The following PCED1B variants were observed in gnomAD, a reference collection of about 807,000 sequenced individuals.
The protein encoded by PCED1B is PC-esterase domain containing 1B.
For missense variants in PCED1B, 573 were observed against 573.9 expected (o/e 1.00, Z 0.02); for synonymous variants, 251 against 246.1 (o/e 1.02, Z -0.19).
intron 1 of PCED1B, among the ~76,000 whole-genome samples, chr12:47,089,461 C>CATGTGTGTATATATATAT (rs1233280547): frequency 1.6e-5 from 1 of 63,398 alleles, no homozygotes; most frequent in Non-Finnish European, 2.9e-5. Flanking sequence ...AAAAAAAATA[C>CATGTGTGTATATATATAT]ATATATATAT....
intron 1 of PCED1B, among the ~76,000 whole-genome samples, chr12:47,090,024 C>T (rs575844021): frequency 6.6e-5 from 10 of 152,162 alleles, no homozygotes; most frequent in African/African-American, 1.2e-4. Context: ...CCACCCACCT[C>T]GGCTTCCCAA....
intron 2 of PCED1B, among the ~76,000 whole-genome samples, chr12:47,132,157 A>G (rs929070338): frequency 3.9e-5 from 6 of 152,188 alleles, no homozygotes; most frequent in Admixed American, 6.5e-5. Flanking sequence ...ATGTTAATAC[A>G]TAGTAAATTA....
At chr12:47,123,150 C>G (rs1409295375) in intron 2 of PCED1B, among the ~76,000 whole-genome samples, 1 of 152,112 alleles carries the variant, frequency 6.6e-6, no homozygotes, top group African/African-American at 2.4e-5. Context: ...TAGTTTTCCA[C>G]AAAACAAGGT....
intron 2 of PCED1B, among the ~76,000 whole-genome samples, chr12:47,188,079 G>A (rs1230405877): frequency 2.0e-5 from 3 of 152,044 alleles, no homozygotes; most frequent in African/African-American, 7.2e-5. Flanking sequence ...AGTCCCTTCT[G>A]TTCCCCAGAC....
At chr12:47,227,214 A>G (rs1055701529) in intron 3 of PCED1B, among the ~76,000 whole-genome samples, 2 of 151,954 alleles carry the variant, frequency 1.3e-5, no homozygotes, top group African/African-American at 4.8e-5. Flanking sequence ...CCCAGTCTGG[A>G]GTGCAGCAGC....
intron 2 of PCED1B, among the ~76,000 whole-genome samples, chr12:47,137,566 G>A (rs1308896612): frequency 1.3e-5 from 2 of 151,196 alleles, no homozygotes; most frequent in African/African-American, 4.9e-5. Context: ...CCATCTCTAC[G>A]ACAAACACAA....
intron 2 of PCED1B, among the ~76,000 whole-genome samples, chr12:47,191,123 G>A (rs1942426455): frequency 6.6e-6 from 1 of 152,184 alleles, no homozygotes; most frequent in Non-Finnish European, 1.5e-5. Context: ...CAAAGAAAGA[G>A]GAAGAAGTAA....
At chr12:47,123,275 A>G (rs963542776) in intron 2 of PCED1B, among the ~76,000 whole-genome samples, 5 of 152,170 alleles carry the variant, frequency 3.3e-5, no homozygotes, top group African/African-American at 1.2e-4. Flanking sequence ...GTTACCGAAC[A>G]CTAAAAATTG....
chr12:47,106,743 A>C (rs1445770114), intron 2 of PCED1B, among the ~76,000 whole-genome samples: 3 of 152,178 alleles, frequency 2.0e-5, no homozygotes, highest in Admixed American at 6.5e-5. Flanking sequence ...AAAAGAAAAA[A>C]TAAATCTCTC....
chr12:47,080,882 T>A (rs1045827425), intron 1 of PCED1B, among the ~76,000 whole-genome samples: 6 of 152,086 alleles, frequency 3.9e-5, no homozygotes, highest in African/African-American at 9.7e-5. Flanking sequence ...CCTCCCCGTC[T>A]TTTGCAAGCG....
At position 47,093,332 on chromosome 12, in the gene PCED1B, C is replaced by G. The variant is rs138012678; in HGVS notation, c.-608-10781C>G. On this transcript the variant is annotated intron_variant, in intron 1 of 3. Coordinates refer to ENST00000546455, the MANE Select transcript of PCED1B (RefSeq NM_138371.3). The stretch of plus-strand genomic sequence containing the variant: ...CTTGTATGATCTATAGTGATATCTC[C>G]TTTTTCATTGCTGTTGTTGCGAATT... Among the ~76,000 whole-genome samples, 562 of 151,592 alleles carry G rather than the reference C, an allele frequency of 3.7e-3. 7 individuals are homozygous for G. Among genetic ancestry groups the G allele is most frequent in the South Asian group, 0.034 (163 of 4,814 alleles).
chr12:47,217,474 A>AAG (rs1473721884), intron 3 of PCED1B, among the ~76,000 whole-genome samples: 33 of 96,442 alleles, frequency 3.4e-4, no homozygotes, highest in African/African-American at 1.3e-3. Flanking sequence ...AAGAAAGAGA[A>AAG]AGAAAGAAAG....
At chr12:47,199,633 A>C (rs554372648) in intron 2 of PCED1B, among the ~76,000 whole-genome samples, 1 of 152,372 alleles carries the variant, frequency 6.6e-6, no homozygotes, top group African/African-American at 2.4e-5. Flanking sequence ...AATCTTTTCA[A>C]CAAATGGTTC....
chr12:47,141,094 T>G (rs1940574486), intron 2 of PCED1B, among the ~76,000 whole-genome samples: 1 of 152,200 alleles, frequency 6.6e-6, no homozygotes, highest in South Asian at 2.1e-4. Flanking sequence ...GACCATGATT[T>G]GAGTCCTGGC....
chr12:47,134,348 GTCCT>G (rs753809594), intron 2 of PCED1B, among the ~76,000 whole-genome samples: 125 of 151,956 alleles, frequency 8.2e-4, no homozygotes, highest in South Asian at 2.3e-3. Flanking sequence ...TCTTCCTTTT[GTCCT>G]TCCTTCCTTT....
At chr12:47,136,029 G>A (rs1249155922) in intron 2 of PCED1B, 1 of 151,100 alleles carries the variant, frequency 6.6e-6, no homozygotes, top group African/African-American at 2.5e-5. Flanking sequence ...CACCAAAAGG[G>A]TACAGTAGCC....
chr12:47,133,007 C>T (rs1378060992), intron 2 of PCED1B, among the ~76,000 whole-genome samples: 1 of 152,186 alleles, frequency 6.6e-6, no homozygotes, highest in Non-Finnish European at 1.5e-5. Flanking sequence ...TAACATTTTT[C>T]ATATGTAAAG....
intron 1 of PCED1B, among the ~76,000 whole-genome samples, chr12:47,095,866 A>G (rs1938464125): frequency 7.9e-6 from 1 of 126,726 alleles, no homozygotes; most frequent in South Asian, 2.6e-4. Context: ...CTTTTCTGGT[A>G]ACTCCAACTT....
intron 1 of PCED1B, among the ~76,000 whole-genome samples, chr12:47,087,949 A>AG (rs1938068032): frequency 6.6e-6 from 1 of 152,224 alleles, no homozygotes; most frequent in Admixed American, 6.5e-5. Flanking sequence ...AATGCCAAAT[A>AG]GAGTATTGAA....
Sources: gnomAD v4.1 joint callset for allele counts (sites outside exome capture counted in the v4.1 genomes callset) on GRCh38, gnomAD v4.1.1 for gene constraint, MANE v1.5 for transcripts, NCBI Gene and HGNC (gene_info 2026-07-23, HGNC 2026-07-21) for gene names.